The following CHST11 variants were observed in gnomAD, a reference collection of about 807,000 sequenced individuals.
CHST11 encodes C4S-1.
CHST11 carries 9 observed loss-of-function variants against 30.4 expected under a neutral mutation model. The ratio of observed to expected loss-of-function variants is 0.30; its 90% CI spans 0.18 to 0.52. CHST11 has a LOEUF of 0.52. Ranked by LOEUF, CHST11 falls within the 20% of genes least tolerant of loss-of-function variation. CHST11 has a pLI of 0.97. For missense variants in CHST11, 348 were observed against 460.6 expected, an observed-to-expected ratio of 0.76 and a Z score of 2.24; for synonymous variants, 152 against 187.8, an observed-to-expected ratio of 0.81 and a Z score of 1.56.
chr12:104,664,450 A>G (rs528645686), intron 2 of CHST11, among the ~76,000 whole-genome samples: 1 of 152,206 alleles, frequency 6.6e-6, no homozygotes, highest in Non-Finnish European at 1.5e-5. Context: ...GGCTTTATGT[A>G]AAAATGTAAG....
chr12:104,517,895 G>C (rs1157002603), intron 1 of CHST11, among the ~76,000 whole-genome samples: 2 of 152,144 alleles, frequency 1.3e-5, no homozygotes, highest in Non-Finnish European at 2.9e-5. Context: ...AACACTTTTT[G>C]AATACCTACT....
intron 2 of CHST11, among the ~76,000 whole-genome samples, chr12:104,698,841 C>G (rs185109949): frequency 4.9e-4 from 75 of 152,274 alleles, no homozygotes; most frequent in Non-Finnish European, 5.9e-5. Flanking sequence ...CTAAAGCAAG[C>G]ACTGTTTACT....
chr12:104,502,210 G>T (rs1191143195), intron 1 of CHST11, among the ~76,000 whole-genome samples: 3 of 151,790 alleles, frequency 2.0e-5, no homozygotes, highest in Non-Finnish European at 4.4e-5. Context: ...ACATTTTTTT[G>T]TAAAGACCTG....
At chr12:104,745,309 TTTTG>T (rs2040381563) in intron 2 of CHST11, among the ~76,000 whole-genome samples, 1 of 152,232 alleles carries the variant, frequency 6.6e-6, no homozygotes, top group African/African-American at 2.4e-5. Context: ...ATGTGTCTGT[TTTTG>T]TTCCAGTACC....
intron 2 of CHST11, among the ~76,000 whole-genome samples, chr12:104,708,973 G>A (rs2040061171): frequency 1.3e-5 from 2 of 151,436 alleles, no homozygotes; most frequent in African/African-American, 4.9e-5. Flanking sequence ...AAAGAGAAAG[G>A]TCATGGGGCA....
At chr12:104,561,879 C>T (rs1555232520) in intron 1 of CHST11, among the ~76,000 whole-genome samples, 1 of 150,226 alleles carries the variant, frequency 6.7e-6, no homozygotes, top group Non-Finnish European at 1.5e-5. Context: ...CAACCTCTGC[C>T]TCCCGGATTC....
intron 2 of CHST11, among the ~76,000 whole-genome samples, chr12:104,732,097 TG>T (rs1669489484): frequency 6.6e-6 from 1 of 152,256 alleles, no homozygotes; most frequent in Admixed American, 6.5e-5. Context: ...ATTGCGCTGC[TG>T]GTGGTCAGTT....
chr12:104,557,953 G>T (rs990934863), intron 1 of CHST11, among the ~76,000 whole-genome samples: 5 of 151,626 alleles, frequency 3.3e-5, no homozygotes, highest in Non-Finnish European at 7.4e-5. Context: ...CATTTCAGGG[G>T]TGGGGACAAC....
At chr12:104,723,893 CCT>C (rs2040197478) in intron 2 of CHST11, among the ~76,000 whole-genome samples, 1 of 152,154 alleles carries the variant, frequency 6.6e-6, no homozygotes, top group South Asian at 2.1e-4. Flanking sequence ...TGTGGATGAG[CCT>C]TGAGGGTTCA....
At chr12:104,750,266 C>G (rs71468229) in intron 2 of CHST11, among the ~76,000 whole-genome samples, 1 of 151,858 alleles carries the variant, frequency 6.6e-6, no homozygotes, top group Admixed American at 6.6e-5. Flanking sequence ...AAGGGAAGCT[C>G]TACTCCAAAC....
chr12:104,581,340 A>G (rs1304353213), intron 1 of CHST11, among the ~76,000 whole-genome samples: 1 of 152,158 alleles, frequency 6.6e-6, no homozygotes, highest in Non-Finnish European at 1.5e-5. Context: ...AGTACTATCT[A>G]TGTTTATATA....
chr12:104,507,689 G>A (rs530239269), intron 1 of CHST11, among the ~76,000 whole-genome samples: 1 of 152,174 alleles, frequency 6.6e-6, no homozygotes, highest in East Asian at 1.9e-4. Context: ...TTTGGCTGAG[G>A]GGAATGACTG....
intron 2 of CHST11, among the ~76,000 whole-genome samples, chr12:104,622,682 G>A (rs1380019106): frequency 6.6e-6 from 1 of 152,186 alleles, no homozygotes; most frequent in Non-Finnish European, 1.5e-5. Context: ...CTAGCTGGGT[G>A]ACTTTGGGCA....
intron 2 of CHST11, among the ~76,000 whole-genome samples, chr12:104,641,805 C>T (rs1163101233): frequency 6.6e-6 from 1 of 152,108 alleles, no homozygotes; most frequent in African/African-American, 2.4e-5. Flanking sequence ...GGCACTCAAC[C>T]TTCTGGGGGC....
At chr12:104,656,377 C>T (rs987526381) in intron 2 of CHST11, among the ~76,000 whole-genome samples, 10 of 152,144 alleles carry the variant, frequency 6.6e-5, no homozygotes, top group African/African-American at 2.2e-4. Flanking sequence ...TGCTGAGGTG[C>T]GGTGGTCAGC....
At chr12:104,633,997 T>G (rs955935100) in intron 2 of CHST11, among the ~76,000 whole-genome samples, 3 of 152,196 alleles carry the variant, frequency 2.0e-5, no homozygotes, top group African/African-American at 7.2e-5. Context: ...GACTTTTGCT[T>G]TTCTTTTATA....
At chr12:104,516,523 G>A (rs1592741294) in intron 1 of CHST11, among the ~76,000 whole-genome samples, 1 of 152,190 alleles carries the variant, frequency 6.6e-6, no homozygotes, top group Non-Finnish European at 1.5e-5. Flanking sequence ...AGGCGTGGTT[G>A]GAATTGGAGG....
In CHST11 at chr12:104,506,353, C is replaced by G. The variant is rs536268847; in HGVS notation, c.118+48824C>G. ...GGGGTTATATAACATCACAAAGCCT[C>G]AGTTTCCTCATATCTAAAATGGGAA... On this transcript the variant is annotated intron_variant, in intron 1 of 2. Transcript: ENST00000303694. Among the ~76,000 whole-genome samples the G allele has an allele frequency of 2.0e-5, 3 of 152,322 alleles. No homozygotes were observed. The East Asian group carries it at 5.8e-4, about 29-fold the overall frequency.
At chr12:104,559,611 T>C (rs1473256373) in intron 1 of CHST11, among the ~76,000 whole-genome samples, 1 of 152,056 alleles carries the variant, frequency 6.6e-6, no homozygotes, top group Non-Finnish European at 1.5e-5. Context: ...GGCATGGTGG[T>C]GGGCGCCTGT....
Sources: gnomAD v4.1 joint callset for allele counts (sites outside exome capture counted in the v4.1 genomes callset) on GRCh38, gnomAD v4.1.1 for gene constraint, MANE v1.5 for transcripts, NCBI Gene and HGNC (gene_info 2026-07-23, HGNC 2026-07-21) for gene names.